Variants in MBOAT1 observed in about 807,000 individuals in gnomAD.
The protein encoded by MBOAT1 is membrane bound glycerophospholipid O-acyltransferase 1.
In MBOAT1, 67 loss-of-function variants were observed where a neutral mutation model predicts 64.4. The ratio of observed to expected loss-of-function variants is 1.04; its 90% CI spans 0.85 to 1.27. The LOEUF (loss-of-function observed/expected upper bound fraction) is 1.27, where lower values mean the gene tolerates loss of function less well. Ranked by LOEUF, MBOAT1 falls within the 50% of genes most tolerant of loss-of-function variation. The probability of loss-of-function intolerance (pLI) is 0.00; values close to 1 mark genes in which losing one functional copy is unlikely to be tolerated. For synonymous variants in MBOAT1, 229 were observed against 218.9 expected (o/e 1.05, Z -0.41); for missense variants, 563 against 604.6 (o/e 0.93, Z 0.72).
At chr6:20,199,441 C>T (rs1346006033) in intron 1 of MBOAT1, among the ~76,000 whole-genome samples, 2 of 152,104 alleles carry the variant, frequency 1.3e-5, no homozygotes, top group Non-Finnish European at 1.5e-5. Context: ...AAGTTTTGCA[C>T]CATAGTAAAA....
At chr6:20,109,860 C>A (rs1025521899) in intron 11 of MBOAT1, 111 bp from the exon 12 acceptor site, 4 of 972,918 alleles carry the variant, frequency 4.1e-6, no homozygotes, top group Non-Finnish European at 4.3e-6. Flanking sequence ...CAGAAGATAA[C>A]CAACATCTGA....
rs1264045587 is a variant in MBOAT1 at position 20,152,338 on chromosome 6, ATAAAAAATAAAT to A, written c.245+274_245+285del. 4.0e-4 allele frequency among the ~76,000 whole-genome samples: 28 copies of A among 69,660 alleles called. No homozygotes were observed. The South Asian group carries it at 0.012, about 30-fold the overall frequency. The allele number at this position is 69,660 out of a possible 152,430, so 45.7% of individuals were successfully genotyped here. On this transcript the variant is annotated intron_variant, in intron 2 of 12. Coordinates refer to ENST00000324607, the MANE Select transcript of MBOAT1 (RefSeq NM_001080480.3). ...CGAGACTCCGTCTCAAAAAAAAAAA[ATAAAAAATAAAT>A]AAATAAATAAATAAATTAATTAATT...
chr6:20,166,959 AAAAAG>A (rs767045443), intron 1 of MBOAT1, among the ~76,000 whole-genome samples: 43 of 152,232 alleles, frequency 2.8e-4, no homozygotes, highest in Middle Eastern at 3.4e-3. Flanking sequence ...AAGAAAAGAA[AAAAAG>A]AAAAGAAAAG....
chr6:20,209,311 T>C (rs1007222520), intron 1 of MBOAT1, among the ~76,000 whole-genome samples: 6 of 152,202 alleles, frequency 3.9e-5, no homozygotes, highest in Non-Finnish European at 8.8e-5. Flanking sequence ...TTTCACATCT[T>C]TAGGAGGATG....
Position 20,124,619 on chromosome 6 carries a change from CAG to C in MBOAT1, c.715-21_715-20del. The stretch of plus-strand genomic sequence containing the variant: ...CAGCTCCCTGAAAATGGGGAAAAAT[CAG>C]TGTCACCGTGCAGAAGGCTCAGGTA... On this transcript the variant is annotated intron_variant, in intron 7 of 12. Transcript: ENST00000324607. The C allele has an allele frequency of 1.2e-6, 2 of 1,612,606 alleles. No homozygotes were observed. Among genetic ancestry groups the C allele is most frequent in the South Asian group, 2.2e-5 (2 of 90,910 alleles).
chr6:20,128,690 T>C lies in MBOAT1; in HGVS notation c.530+9A>G, dbSNP rs112545262. 6.2e-7 allele frequency: 1 copy of C among 1,606,018 alleles called. No homozygotes were observed. The highest frequency in any genetic ancestry group is 8.5e-7 in the Non-Finnish European group (1 of 1,176,388). ...AGGGCTTGTTAATATATCGTTACAC[T>C]TCACTTACTTGATAGCAAGTCGATG... On this transcript the variant is annotated intron_variant, in intron 6 of 12. Coordinates refer to ENST00000324607, the MANE Select transcript of MBOAT1 (RefSeq NM_001080480.3).
chr6:20,135,679 G>A (rs1028603429), intron 4 of MBOAT1, among the ~76,000 whole-genome samples: 2 of 152,088 alleles, frequency 1.3e-5, no homozygotes, highest in African/African-American at 4.8e-5. Context: ...GCATCAAGAT[G>A]AACTGACATT....
chr6:20,116,564 T>C (rs375879617), intron 9 of MBOAT1, among the ~76,000 whole-genome samples: 1 of 152,070 alleles, frequency 6.6e-6, no homozygotes, highest in Admixed American at 6.6e-5. Context: ...GTAAAATAGA[T>C]CTTTTTATTG....
At chr6:20,111,722 C>A (rs536355070) in intron 11 of MBOAT1, among the ~76,000 whole-genome samples, 32 of 150,202 alleles carry the variant, frequency 2.1e-4, no homozygotes, top group African/African-American at 7.8e-4. Context: ...AAATGTCTCC[C>A]CTGTTTTCTA....
At chr6:20,118,143 T>C (rs942022128) in intron 9 of MBOAT1, among the ~76,000 whole-genome samples, 5 of 152,130 alleles carry the variant, frequency 3.3e-5, no homozygotes, top group African/African-American at 1.2e-4. Flanking sequence ...ACTTTCTAGT[T>C]GAAAGAGCAG....
Position 20,116,252 on chromosome 6 carries a change from A to C in MBOAT1, c.1012-900T>G, listed in dbSNP as rs547022832. Among the ~76,000 whole-genome samples, 19 of 152,196 alleles carry C rather than the reference A, an allele frequency of 1.2e-4. No individual in the cohort carries two copies. In the South Asian group the frequency reaches 2.7e-3, roughly 22 times the overall value. ...GAGGCTGAGGCAGGCGAATTGCTTG[A>C]ACCCAGGAGGCAGAGGTTGCAGTGA... On this transcript the variant is annotated intron_variant, in intron 9 of 12. Coordinates refer to ENST00000324607, the MANE Select transcript of MBOAT1 (RefSeq NM_001080480.3).
At chr6:20,140,443 G>C (rs923954180) in intron 4 of MBOAT1, among the ~76,000 whole-genome samples, 3 of 152,210 alleles carry the variant, frequency 2.0e-5, no homozygotes, top group African/African-American at 7.2e-5. Flanking sequence ...TTCCAAAAGA[G>C]ATTAGCATTT....
chr6:20,174,529 C>T (rs1190611278), intron 1 of MBOAT1, among the ~76,000 whole-genome samples: 3 of 152,102 alleles, frequency 2.0e-5, no homozygotes, highest in Non-Finnish European at 4.4e-5. Context: ...ATGAATGGAG[C>T]TTGTAGGACT....
intron 1 of MBOAT1, among the ~76,000 whole-genome samples, chr6:20,179,150 A>C (rs1367682994): frequency 1.4e-5 from 2 of 147,208 alleles, no homozygotes; most frequent in Admixed American, 6.9e-5. Flanking sequence ...CAAGTCTACT[A>C]TCTCATTTAA....
intron 10 of MBOAT1, among the ~76,000 whole-genome samples, chr6:20,113,241 C>T (rs940529560): frequency 9.2e-5 from 14 of 152,186 alleles, no homozygotes; most frequent in Admixed American, 5.9e-4. Flanking sequence ...GGATGTTATA[C>T]ATTTTTAACC....
chr6:20,122,724 A>C (rs1358591506), intron 8 of MBOAT1, among the ~76,000 whole-genome samples: 1 of 152,158 alleles, frequency 6.6e-6, no homozygotes, highest in Non-Finnish European at 1.5e-5. Context: ...CTAGAGATAG[A>C]CGGTGGTGAT....
At chr6:20,175,984 T>TA (rs1241787751) in intron 1 of MBOAT1, among the ~76,000 whole-genome samples, 1 of 152,174 alleles carries the variant, frequency 6.6e-6, no homozygotes, top group Non-Finnish European at 1.5e-5. Flanking sequence ...CTGACAATGA[T>TA]ATATACAATT....
At chr6:20,111,879 T>TACATATATATACATATACATATATATAC in intron 11 of MBOAT1, among the ~76,000 whole-genome samples, 1 of 76,174 alleles carries the variant, frequency 1.3e-5, no homozygotes, top group African/African-American at 4.3e-5. Context: ...CATATATATA[T>TACATATATATACATATACATATATATAC]GTATATATAT....
At chr6:20,151,113 A>G in intron 3 of MBOAT1, 72 bp downstream of exon 3, 1 of 1,129,078 alleles carries the variant, frequency 8.9e-7, no homozygotes, top group South Asian at 1.3e-5. Flanking sequence ...CCATCTTTAC[A>G]CTGGAAATAT....
Sources: allele counts gnomAD v4.1 joint callset (sites outside exome capture counted in the v4.1 genomes callset), GRCh38; gene constraint gnomAD v4.1.1; transcripts MANE v1.5; gene names NCBI Gene and HGNC (gene_info 2026-07-23, HGNC 2026-07-21).